HNRNPR: variants seen among roughly 807,000 people sequenced by gnomAD.
The protein encoded by HNRNPR is heterogeneous nuclear ribonucleoprotein R.
Under a neutral mutation model 70.3 loss-of-function variants are expected in HNRNPR, and 4 were observed. That is an observed-to-expected ratio of 0.06 (90% confidence interval 0.03 to 0.13). HNRNPR has a LOEUF of 0.13. Among genes scored for constraint, HNRNPR ranks in the 10% least tolerant of loss-of-function variants. HNRNPR has a pLI of 1.00. For synonymous variants in HNRNPR, 241 were observed against 267.6 expected, an observed-to-expected ratio of 0.90 and a Z score of 0.97; for missense variants, 423 against 788.5, an observed-to-expected ratio of 0.54 and a Z score of 5.55.
intron 9 of HNRNPR, among the ~76,000 whole-genome samples, chr1:23,312,142 A>G (rs1306669346): frequency 1.3e-5 from 2 of 151,986 alleles, no homozygotes; most frequent in Admixed American, 6.6e-5. Context: ...AAAATGTTCT[A>G]TTGGAGCTAT....
chr1:23,330,497 T>C (rs1421433755), intron 5 of HNRNPR, among the ~76,000 whole-genome samples: 1 of 152,068 alleles, frequency 6.6e-6, no homozygotes, highest in African/African-American at 2.4e-5. Flanking sequence ...ATCGTGCCAT[T>C]ACACTCCAGC....
Position 23,310,974 on chromosome 1 carries a change from G to C in HNRNPR, c.1382C>G (p.Pro461Arg). Residue 461 changes from proline (P) to arginine (R), a missense_variant, in exon 11 of 11, where the codon CCT becomes CGT. By Grantham distance (103) the Pro-to-Arg change is moderately radical. Coordinates refer to ENST00000302271, the MANE Select transcript of HNRNPR (RefSeq NM_005826.5). This position sits in a 1 kb window ranked among gnomAD's most constrained non-coding sequence, Gnocchi z 6.0. ...ATCTTCATAGCCGTAGTAATCTGGAGGGTAGCCATATCCACCTCTCCCCCC... is the reference window on the plus strand; with the variant it reads ...ATCTTCATAGCCGTAGTAATCTGGACGGTAGCCATATCCACCTCTCCCCCC... ...RGGGRGGYGY[P>R]PDYYGYEDYY... The C allele has an allele frequency of 6.2e-7, 1 of 1,614,124 alleles. No individual in the cohort carries two copies. Among genetic ancestry groups the C allele is most frequent in the East Asian group, 2.2e-5 (1 of 44,886 alleles).
At position 23,306,627 on chromosome 1, in the gene HNRNPR, T is replaced by A. The variant is rs1569856536; in HGVS notation, c.*3827A>T. 1 of 151,746 alleles carries A rather than the reference T, an allele frequency of 6.6e-6. No individual in the cohort carries two copies. The highest frequency in any genetic ancestry group is 6.6e-5 in the Admixed American group (1 of 15,248). The allele number at this position is 151,746 out of a possible 1,614,324, so 9.4% of individuals were successfully genotyped here. A position where few individuals can be genotyped will look rare whatever the true frequency, so the allele number is the denominator to read the frequency against. On this transcript the variant is annotated 3_prime_UTR_variant, in exon 11 of 11. Transcript: ENST00000302271. The stretch of plus-strand genomic sequence containing the variant: ...AAACAAAACAAAACAAAACCAGAGC[T>A]TCTGGTAACCTCTAAATAAAAAAGT...
At chr1:23,317,759 A>AG (rs1645605202) in intron 8 of HNRNPR, among the ~76,000 whole-genome samples, 1 of 152,102 alleles carries the variant, frequency 6.6e-6, no homozygotes, top group Non-Finnish European at 1.5e-5. Flanking sequence ...CAAGGCGGGT[A>AG]GATCATGAGC....
chr1:23,313,369 T>C (rs1645410555), intron 9 of HNRNPR, among the ~76,000 whole-genome samples, 184 bp downstream of exon 9: 1 of 152,128 alleles, frequency 6.6e-6, no homozygotes, highest in Admixed American at 6.5e-5. Flanking sequence ...AACTCAGTAA[T>C]AACCTGGCTT....
chr1:23,327,949 G>A (rs927636932), intron 5 of HNRNPR, among the ~76,000 whole-genome samples: 1 of 140,944 alleles, frequency 7.1e-6, no homozygotes, highest in Admixed American at 7.5e-5. Context: ...CTTGAGGCCA[G>A]CCAGGAGTTC....
rs527594571 is a variant in HNRNPR at position 23,309,242 on chromosome 1, A to G, written c.*1212T>C. 11 of 152,292 alleles carry G rather than the reference A, an allele frequency of 7.2e-5. No homozygotes were observed. The highest frequency in any genetic ancestry group is 2.6e-4 in the African/African-American group (11 of 41,586). The allele number at this position is 152,292 out of a possible 1,614,324, so 9.4% of individuals were successfully genotyped here. ...CATGAATGTTTCTCAAAGCAAATTT[A>G]CATAGTAATAGGAAATTATATTCCT... On this transcript the variant is annotated 3_prime_UTR_variant, in exon 11 of 11. Coordinates refer to ENST00000302271, the MANE Select transcript of HNRNPR (RefSeq NM_005826.5).
At chr1:23,337,432 C>A (rs1207134013) in intron 4 of HNRNPR, among the ~76,000 whole-genome samples, 6 of 152,026 alleles carry the variant, frequency 3.9e-5, no homozygotes, top group African/African-American at 1.2e-4. Flanking sequence ...CCGAGGTGGG[C>A]GGATCACAAG....
At chr1:23,334,332 G>A (rs1646374369) in intron 4 of HNRNPR, among the ~76,000 whole-genome samples, 1 of 150,352 alleles carries the variant, frequency 6.7e-6, no homozygotes, top group Admixed American at 6.6e-5. Flanking sequence ...CGCCTCCCAG[G>A]TTCACGCCCT....
chr1:23,329,819 C>T (rs952727746), intron 5 of HNRNPR, among the ~76,000 whole-genome samples: 1 of 152,046 alleles, frequency 6.6e-6, no homozygotes, highest in Non-Finnish European at 1.5e-5. Flanking sequence ...TTTATAGAGA[C>T]AGGGTCTCCT....
intron 8 of HNRNPR, among the ~76,000 whole-genome samples, chr1:23,317,274 T>A (rs183608206): frequency 6.6e-6 from 1 of 151,720 alleles, no homozygotes; most frequent in East Asian, 2.0e-4. Context: ...CTGGCTAACA[T>A]GGTGAAACCC....
chr1:23,312,863 ACCC>A (rs529850649), intron 9 of HNRNPR, among the ~76,000 whole-genome samples: 1 of 151,580 alleles, frequency 6.6e-6, no homozygotes, highest in Non-Finnish European at 1.5e-5. Flanking sequence ...TCTTGCTCCC[ACCC>A]CCCCAAGGAA....
intron 4 of HNRNPR, among the ~76,000 whole-genome samples, chr1:23,337,516 G>A (rs755816382): frequency 6.6e-6 from 1 of 152,048 alleles, no homozygotes; most frequent in African/African-American, 2.4e-5. Flanking sequence ...AATTAGCTGG[G>A]TGTGGTGGTG....
At chr1:23,323,470 AAAT>A in intron 6 of HNRNPR, 83 bp downstream of exon 6, 1 of 1,271,444 alleles carries the variant, frequency 7.9e-7, no homozygotes, top group Non-Finnish European at 1.1e-6. Context: ...GAAGAAATCA[AAAT>A]AATGTTAACT....
At position 23,311,045 on chromosome 1, in the gene HNRNPR, G is replaced by A. The variant is rs1414549399; in HGVS notation, c.1311C>T (p.His437=). ...TTGGAGGTGGCATGCGAGGAGGAGG[G>A]TGGTAGTAATAATCTTCATACCTAG... is the stretch of plus-strand genomic sequence containing the variant. ...RSTAYEDYYY[H]PPPRMPPPIR... is the part of the protein sequence containing the mutation. Residue 437 remains histidine (H), a synonymous_variant, in exon 11 of 11, where the codon CAC becomes CAT. Transcript: ENST00000302271. 2.5e-6 allele frequency: 4 copies of A among 1,614,012 alleles called. No individual in the cohort carries two copies. The highest frequency in any genetic ancestry group is 2.2e-5 in the South Asian group (2 of 91,082).
chr1:23,317,644 C>CT (rs2148349831), intron 8 of HNRNPR, among the ~76,000 whole-genome samples: 2 of 152,164 alleles, frequency 1.3e-5, no homozygotes, highest in South Asian at 4.1e-4. Context: ...ACATGACAAT[C>CT]TTTTGCCTTT....
intron 8 of HNRNPR, among the ~76,000 whole-genome samples, chr1:23,317,508 C>T (rs552297878): frequency 1.7e-4 from 26 of 151,974 alleles, no homozygotes; most frequent in African/African-American, 5.5e-4. Context: ...CAAAGGAAAA[C>T]TTAAGAACCA....
intron 5 of HNRNPR, 114 bp downstream of exon 5, chr1:23,333,404 C>G: frequency 3.3e-6 from 2 of 611,378 alleles, no homozygotes; most frequent in Non-Finnish European, 5.9e-6. Flanking sequence ...AAACTAACAA[C>G]AGCTACACTT....
chr1:23,328,906 C>T (rs894000472), intron 5 of HNRNPR, among the ~76,000 whole-genome samples: 1 of 152,096 alleles, frequency 6.6e-6, no homozygotes, highest in African/African-American at 2.4e-5. Context: ...ATTGCTTGAG[C>T]CCAGGAGTTT....
Sources: gnomAD v4.1 joint callset for allele counts (sites outside exome capture counted in the v4.1 genomes callset) on GRCh38, gnomAD v4.1.1 for gene constraint, Gnocchi (gnomAD v3.1) non-coding constraint, MANE v1.5 for transcripts, NCBI Gene and HGNC (gene_info 2026-07-23, HGNC 2026-07-21) for gene names.